SENP2: variants seen among roughly 807,000 people sequenced by gnomAD.
SENP2 encodes the protein SUMO specific peptidase 2.
In SENP2, 16 loss-of-function variants were observed where a neutral mutation model predicts 86.3. That is an observed-to-expected ratio of 0.19 (90% CI 0.13 to 0.28). SENP2 has a LOEUF of 0.28. Ranked by LOEUF, SENP2 falls within the 10% of genes least tolerant of loss-of-function variation. The probability of loss-of-function intolerance (pLI) is 1.00; values close to 1 mark genes in which losing one functional copy is unlikely to be tolerated. For missense variants in SENP2, 552 were observed against 703.0 expected (o/e 0.79, Z 2.43); for synonymous variants, 222 against 238.7 (o/e 0.93, Z 0.64).
chr3:185,617,416 T>C, intron 11 of SENP2, 64 bp from the exon 12 acceptor site: 1 of 1,438,462 alleles, frequency 7.0e-7, no homozygotes, highest in Non-Finnish European at 9.3e-7. Flanking sequence ...AGTCTCGGAG[T>C]TTTCAATAAC....
chr3:185,606,624 C>CATA, intron 6 of SENP2, 126 bp downstream of exon 6: 1 of 824,046 alleles, frequency 1.2e-6, no homozygotes, highest in South Asian at 2.1e-5. Flanking sequence ...AATACAGCCT[C>CATA]CAACAAAATG....
Position 185,626,748 on chromosome 3 carries a change from G to A in SENP2, c.1707+355G>A, listed in dbSNP as rs2148996368. 1.3e-5 allele frequency among the ~76,000 whole-genome samples: 2 copies of A among 150,884 alleles called. 1 individual carries two copies. Among genetic ancestry groups the A allele is most frequent in the South Asian group, 4.2e-4 (2 of 4,736 alleles). ...AGGTCGCACCAGTGCACTCCAGCCT[G>A]GGTGACAGAGCGAGACTCTGTCTCA... On this transcript the variant is annotated intron_variant, in intron 16 of 16. Coordinates refer to ENST00000296257, the MANE Select transcript of SENP2 (RefSeq NM_021627.3).
intron 7 of SENP2, 78 bp from the exon 8 acceptor site, chr3:185,611,572 CT>C: frequency 1.2e-6 from 1 of 858,610 alleles, no homozygotes; most frequent in South Asian, 1.5e-5. Context: ...TTTGGAGAAG[CT>C]TGCTGGACAG....
chr3:185,615,623 C>T (rs865915438), intron 11 of SENP2, among the ~76,000 whole-genome samples: 14 of 152,218 alleles, frequency 9.2e-5, no homozygotes, highest in African/African-American at 2.2e-4. Flanking sequence ...GGATTATAGG[C>T]GCAAGCCACT....
intron 2 of SENP2, among the ~76,000 whole-genome samples, chr3:185,594,183 A>G (rs1722101956): frequency 6.6e-6 from 1 of 151,892 alleles, no homozygotes; most frequent in South Asian, 2.1e-4. Context: ...AAAAACACAC[A>G]CAAACGTTGG....
chr3:185,604,673 A>AT (rs1251639546), intron 5 of SENP2, among the ~76,000 whole-genome samples: 1 of 152,094 alleles, frequency 6.6e-6, no homozygotes, highest in Non-Finnish European at 1.5e-5. Flanking sequence ...TCATTCTCTC[A>AT]TATATACATA....
Position 185,627,957 on chromosome 3 carries a change from G to A in SENP2, c.1707+1564G>A, listed in dbSNP as rs183042991. 2.6e-3 allele frequency among the ~76,000 whole-genome samples: 396 copies of A among 152,108 alleles called. 2 individuals are homozygous for A. The highest frequency in any genetic ancestry group is 3.3e-3 in the Non-Finnish European group (222 of 68,004). On this transcript the variant is annotated intron_variant, in intron 16 of 16. Coordinates refer to ENST00000296257, the MANE Select transcript of SENP2 (RefSeq NM_021627.3). ...ATTACGTGAAGTAACTAGGACTCCC[G>A]TGCTGAATTAATATAATTCCAGTAA...
At chr3:185,598,288 G>T in intron 2 of SENP2, 124 bp from the exon 3 acceptor site, 1 of 1,041,248 alleles carries the variant, frequency 9.6e-7, no homozygotes, top group African/African-American at 1.6e-5. Context: ...TTACAGGTGT[G>T]AGCCACCACA....
chr3:185,623,688 G>A (rs553642419), intron 14 of SENP2, among the ~76,000 whole-genome samples: 9 of 151,908 alleles, frequency 5.9e-5, no homozygotes, highest in African/African-American at 1.2e-4. Flanking sequence ...TTAGCAGGGC[G>A]TGGTGGCGTG....
intron 14 of SENP2, among the ~76,000 whole-genome samples, chr3:185,623,710 C>T (rs947632455): frequency 6.6e-6 from 1 of 150,796 alleles, no homozygotes; most frequent in Non-Finnish European, 1.5e-5. Context: ...TCCTGTGGTC[C>T]CAGCTACTTG....
At chr3:185,623,826 C>CAAAAAAAAAAAAAAAAAAAAAAAAAAAA (rs63707460) in intron 14 of SENP2, among the ~76,000 whole-genome samples, 172 bp from the exon 15 acceptor site, 1 of 47,788 alleles carries the variant, frequency 2.1e-5, no homozygotes. Context: ...GACTCTGTCT[C>CAAAAAAAAAAAAAAAAAAAAAAAAAAAA]AAAAAAAAAA....
chr3:185,614,754 T>C lies in SENP2; in HGVS notation c.1110+14T>C. 1 of 1,607,782 alleles carries C rather than the reference T, an allele frequency of 6.2e-7. No individual in the cohort carries two copies. The highest frequency in any genetic ancestry group is 8.5e-7 in the Non-Finnish European group (1 of 1,177,880). On this transcript the variant is annotated intron_variant, in intron 11 of 16. Transcript: ENST00000296257. ...GAACTTACAGAGGTATTGTTCTTTGTATTGATCCTAAAAAGAGGCATGTCT... is the reference window on the plus strand; with the variant it reads ...GAACTTACAGAGGTATTGTTCTTTGCATTGATCCTAAAAAGAGGCATGTCT...
intron 16 of SENP2, among the ~76,000 whole-genome samples, chr3:185,627,635 A>T (rs1249264565): frequency 1.3e-5 from 2 of 151,514 alleles, no homozygotes; most frequent in Non-Finnish European, 2.9e-5. Context: ...CTGGTCTCGA[A>T]CTCCTGACCT....
At chr3:185,613,282 C>CTAG in intron 9 of SENP2, 63 bp from the exon 10 acceptor site, 1 of 915,354 alleles carries the variant, frequency 1.1e-6, no homozygotes, top group South Asian at 1.5e-5. Flanking sequence ...ATTTCTAAAA[C>CTAG]TAGGATGTAC....
rs925808181 is a variant in SENP2, at chr3:185,607,109, C to A, written c.618+611C>A. 3.0e-4 allele frequency among the ~76,000 whole-genome samples: 46 copies of A among 151,390 alleles called. 1 individual carries two copies. The highest frequency in any genetic ancestry group is 2.9e-5 in the Non-Finnish European group (2 of 67,930). On this transcript the variant is annotated intron_variant, in intron 6 of 16. Coordinates refer to ENST00000296257, the MANE Select transcript of SENP2 (RefSeq NM_021627.3). ...CATATGTTACATATTTCAAAAGGTACTAAAGTATGTACGGTAACTAAATTT... is the reference window on the plus strand; with the variant it reads ...CATATGTTACATATTTCAAAAGGTAATAAAGTATGTACGGTAACTAAATTT...
chr3:185,598,555 G>A lies in SENP2; in HGVS notation c.291+10G>A. Reference sequence around the variant, plus strand: ...GGCCCCTTCAGGAGAGGTCAGTGGGGATGAGACTCCATTAGGAATACTGAT... The same window carrying A: ...GGCCCCTTCAGGAGAGGTCAGTGGGAATGAGACTCCATTAGGAATACTGAT... On this transcript the variant is annotated intron_variant, in intron 3 of 16. Coordinates refer to ENST00000296257, the MANE Select transcript of SENP2 (RefSeq NM_021627.3). 4 of 1,612,162 alleles carry A rather than the reference G, an allele frequency of 2.5e-6. No homozygotes were observed. Among genetic ancestry groups the A allele is most frequent in the South Asian group, 1.1e-5 (1 of 90,912 alleles).
intron 13 of SENP2, among the ~76,000 whole-genome samples, chr3:185,619,733 T>A (rs1024613528): frequency 6.6e-6 from 1 of 151,982 alleles, no homozygotes; most frequent in African/African-American, 2.4e-5. Flanking sequence ...TATTTTACTA[T>A]TTTTTAAAAT....
intron 12 of SENP2, among the ~76,000 whole-genome samples, 165 bp downstream of exon 12, chr3:185,617,776 C>T (rs1419046267): frequency 6.6e-6 from 1 of 152,168 alleles, no homozygotes; most frequent in African/African-American, 2.4e-5. Context: ...TTCTGATTTT[C>T]TGCCTTTGAT....
At chr3:185,600,348 A>AC (rs1722304476) in intron 4 of SENP2, among the ~76,000 whole-genome samples, 1 of 152,110 alleles carries the variant, frequency 6.6e-6, no homozygotes, top group South Asian at 2.1e-4. Flanking sequence ...GTTATCTGCA[A>AC]CCCCTGGGAG....
Sources: gnomAD v4.1 joint callset for allele counts (sites outside exome capture counted in the v4.1 genomes callset) on GRCh38, gnomAD v4.1.1 for gene constraint, MANE v1.5 for transcripts, NCBI Gene and HGNC (gene_info 2026-07-23, HGNC 2026-07-21) for gene names.